SMIM23: variants seen among roughly 807,000 people sequenced by gnomAD.
The protein encoded by SMIM23 is CTB-78H18.1.
A neutral mutation model predicts 12.8 loss-of-function variants in SMIM23; 10 were observed. That is an observed-to-expected ratio of 0.78 (90% CI 0.48 to 1.32). The LOEUF (loss-of-function observed/expected upper bound fraction) is 1.32. SMIM23 is among the 40% of genes most tolerant of loss of function. The pLI is 0.00. For synonymous variants in SMIM23, 78 were observed against 80.1 expected (o/e 0.97, Z 0.14); for missense variants, 184 against 198.2 (o/e 0.93, Z 0.43).
At chr5:171,784,460 G>A (rs893043956), upstream of SMIM23, among the ~76,000 whole-genome samples, 1 of 151,944 alleles carries the variant, frequency 6.6e-6, no homozygotes, top group Non-Finnish European at 1.5e-5. Flanking sequence ...AGCCGAGATC[G>A]TGCCACTGCA....
intron 1 of SMIM23, among the ~76,000 whole-genome samples, chr5:171,787,201 G>A (rs955659939): frequency 2.0e-5 from 3 of 151,926 alleles, no homozygotes; most frequent in Non-Finnish European, 4.4e-5. Context: ...TGTATTTTTA[G>A]TAGAGACAGG....
the SMIM23 span, chr5:171,773,861 A>C: frequency 2.2e-6 from 1 of 456,290 alleles, no homozygotes; most frequent in South Asian, 1.5e-5. Flanking sequence ...CTTATTTTAA[A>C]AAATTAAACA....
At chr5:171,790,773 C>A in intron 3 of SMIM23, 22 bp from the exon 4 acceptor site, 11 of 1,535,906 alleles carry the variant, frequency 7.2e-6, no homozygotes, top group Non-Finnish European at 9.6e-6. Context: ...CACAGGATGC[C>A]ACTTCTGTGT....
At chr5:171,780,640 G>A (rs1393441780), upstream of SMIM23, among the ~76,000 whole-genome samples, 1 of 151,850 alleles carries the variant, frequency 6.6e-6, no homozygotes, top group East Asian at 1.9e-4. Flanking sequence ...CAGTCCTTAC[G>A]TACCTGCATT....
chr5:171,786,524 C>T (rs1755820188), intron 1 of SMIM23, among the ~76,000 whole-genome samples: 1 of 152,164 alleles, frequency 6.6e-6, no homozygotes, highest in Non-Finnish European at 1.5e-5. Context: ...AAAACACATC[C>T]ATCTGATTTT....
intron 1 of SMIM23, among the ~76,000 whole-genome samples, chr5:171,788,525 ATTATTATCATGACTC>A (rs1318878875): frequency 6.6e-5 from 10 of 152,074 alleles, no homozygotes; most frequent in African/African-American, 2.4e-4. Flanking sequence ...ATAAAAGAGG[ATTATTATCATGACTC>A]TTACAGGCAT....
chr5:171,788,944 A>G (rs1043071930), intron 1 of SMIM23, among the ~76,000 whole-genome samples: 2 of 152,294 alleles, frequency 1.3e-5, no homozygotes, highest in Admixed American at 1.3e-4. Context: ...GGCTCAAGCG[A>G]TGCTCCTGCC....
At chr5:171,779,543 C>T (rs1324392915), upstream of SMIM23, among the ~76,000 whole-genome samples, 2 of 152,164 alleles carry the variant, frequency 1.3e-5, no homozygotes, top group African/African-American at 2.4e-5. Flanking sequence ...TTTCTTCTCC[C>T]CTCCAGCTAG....
intron 1 of SMIM23, among the ~76,000 whole-genome samples, chr5:171,789,686 GCA>G (rs1755886294): frequency 2.0e-5 from 3 of 152,156 alleles, no homozygotes; most frequent in African/African-American, 7.2e-5. Context: ...AAATGCAAAA[GCA>G]CACACACTGT....
At position 171,790,244 on chromosome 5, in the gene SMIM23, G is replaced by T. The variant is rs1349331547; in HGVS notation, c.120G>T (p.Leu40Phe). The change falls in exon 2 of 4, where the codon TTG becomes TTT. Residue 40 changes from leucine (L) to phenylalanine (F), a missense_variant. Leu to Phe is a conservative substitution (Grantham distance 22, BLOSUM62 0). Transcript: ENST00000523047. ...CDDEKQTLLA[L>F]LILVLYLSTE... ...TTGCACCCTAGACGCTGTTGGCATT[G>T]CTGATCTTGGTGCTGTACTTGAGCA... The T allele has an allele frequency of 2.6e-6, 4 of 1,536,138 alleles. No homozygotes were observed. In the Admixed American group the frequency reaches 7.8e-5, roughly 30 times the overall value.
chr5:171,785,836 T>C lies in SMIM23; in HGVS notation c.-36T>C. ...AGGGGAAGGGTGCCCTTCTGTCTGT[T>C]GAGTGTGGTCCACCCAGGCAGCCAG... On this transcript the variant is annotated 5_prime_UTR_variant, in exon 1 of 4. Coordinates refer to ENST00000523047, the MANE Select transcript of SMIM23 (RefSeq NM_001289970.2). 1 of 1,499,880 alleles carries C rather than the reference T, an allele frequency of 6.7e-7. No individual in the cohort carries two copies. 92.9% of individuals were successfully genotyped at this position (1,499,880 alleles called of 1,614,324 possible). A position where few individuals can be genotyped will look rare whatever the true frequency, so the allele number is the denominator to read the frequency against.
chr5:171,779,453 A>ACC (rs1561588294), upstream of SMIM23, among the ~76,000 whole-genome samples: 1 of 152,154 alleles, frequency 6.6e-6, no homozygotes. Flanking sequence ...CAGGCACCAG[A>ACC]CCCAGGCTAG....
Position 171,786,041 on chromosome 5 carries a change from A to G in SMIM23, c.105+65A>G, listed in dbSNP as rs1755810950. On this transcript the variant is annotated intron_variant, in intron 1 of 3. Coordinates refer to ENST00000523047, the MANE Select transcript of SMIM23 (RefSeq NM_001289970.2). ...GGGCTCCTTTTGCCACTCCAGACAG[A>G]CTAGAAGTCCCTCAAAGCCCGGAAT... 3 of 1,279,888 alleles carry G rather than the reference A, an allele frequency of 2.3e-6. No homozygotes were observed. In the East Asian group the frequency reaches 7.6e-5, roughly 32 times the overall value. The allele number at this position is 1,279,888 out of a possible 1,614,324, so 79.3% of individuals were successfully genotyped here.
chr5:171,774,020 T>C, the SMIM23 span: 7 of 364,348 alleles, frequency 1.9e-5, no homozygotes, highest in South Asian at 1.3e-4. Context: ...CAGGAGGCAG[T>C]GTGTGGTTTG....
At chr5:171,785,181 T>C (rs1222952533), upstream of SMIM23, among the ~76,000 whole-genome samples, 1 of 150,670 alleles carries the variant, frequency 6.6e-6, no homozygotes, top group African/African-American at 2.5e-5. Context: ...CACACACAAA[T>C]GAGAACAAGT....
chr5:171,787,507 T>G (rs1755840503), intron 1 of SMIM23, among the ~76,000 whole-genome samples: 1 of 152,110 alleles, frequency 6.6e-6, no homozygotes, highest in Non-Finnish European at 1.5e-5. Flanking sequence ...GGGGAAGAAA[T>G]CAACCTGTAA....
chr5:171,775,345 T>TC, the SMIM23 span, among the ~76,000 whole-genome samples: 1 of 141,808 alleles, frequency 7.1e-6, no homozygotes, highest in African/African-American at 2.6e-5. Context: ...AACCCCCACC[T>TC]CCCCCTCCTT....
Position 171,785,832 on chromosome 5 carries a change from C to G in SMIM23, c.-40C>G. The G allele has an allele frequency of 6.7e-7, 1 of 1,493,918 alleles. No individual in the cohort carries two copies. Among genetic ancestry groups the G allele is most frequent in the South Asian group, 1.2e-5 (1 of 83,206 alleles). The allele number at this position is 1,493,918 out of a possible 1,614,324, so 92.5% of individuals were successfully genotyped here. A position where few individuals can be genotyped will look rare whatever the true frequency, so the allele number is the denominator to read the frequency against. On this transcript the variant is annotated 5_prime_UTR_variant, in exon 1 of 4. Coordinates refer to ENST00000523047, the MANE Select transcript of SMIM23 (RefSeq NM_001289970.2). ...GGGGAGGGGAAGGGTGCCCTTCTGT[C>G]TGTTGAGTGTGGTCCACCCAGGCAG...
intron 1 of SMIM23, 147 bp from the exon 2 acceptor site, chr5:171,790,083 G>T (rs1390365738): frequency 1.4e-6 from 1 of 710,736 alleles, no homozygotes; most frequent in East Asian, 2.7e-5. Flanking sequence ...TAGTAAGTAA[G>T]TGTGACTTAG....
Sources: gnomAD v4.1 joint callset for allele counts (sites outside exome capture counted in the v4.1 genomes callset) on GRCh38, gnomAD v4.1.1 for gene constraint, MANE v1.5 for transcripts, NCBI Gene and HGNC (gene_info 2026-07-23, HGNC 2026-07-21) for gene names.